APP: variants seen among roughly 807,000 people sequenced by gnomAD.
APP encodes amyloid beta precursor protein, also known as amyloid-beta precursor protein.
A neutral mutation model predicts 101.4 loss-of-function variants in APP; 31 were observed. That is an observed-to-expected ratio of 0.31 (90% CI 0.23 to 0.41). APP has a LOEUF of 0.41. APP is among the 10% of genes least tolerant of loss of function. The pLI is 1.00. For missense variants in APP, 839 were observed against 1,003.7 expected (o/e 0.84, Z 2.22); for synonymous variants, 366 against 364.4 (o/e 1.00, Z -0.05).
intron 5 of APP, among the ~76,000 whole-genome samples, chr21:26,047,218 G>A (rs182223151): frequency 3.3e-5 from 5 of 152,218 alleles, no homozygotes; most frequent in East Asian, 1.9e-4. Context: ...CCCCATTAGC[G>A]ATAGAAAAAC....
intron 5 of APP, among the ~76,000 whole-genome samples, chr21:26,046,812 G>A (rs2045630806): frequency 6.6e-6 from 1 of 152,130 alleles, no homozygotes; most frequent in Admixed American, 6.5e-5. Flanking sequence ...TCCAGGTGAG[G>A]AGCAGCTCTG....
intron 1 of APP, among the ~76,000 whole-genome samples, chr21:26,117,543 A>G (rs559051200): frequency 4.6e-4 from 70 of 152,334 alleles, no homozygotes; most frequent in African/African-American, 1.6e-3. Flanking sequence ...CCAGGTAAGG[A>G]TATGTCCAAG....
chr21:26,146,272 G>A (rs2063152911), intron 1 of APP, among the ~76,000 whole-genome samples: 1 of 152,228 alleles, frequency 6.6e-6, no homozygotes, highest in Non-Finnish European at 1.5e-5. Context: ...GGAGGCAGAG[G>A]TTGCAGTGAG....
At chr21:26,040,621 A>AAAT (rs1555854092) in intron 5 of APP, among the ~76,000 whole-genome samples, 3 of 150,368 alleles carry the variant, frequency 2.0e-5, no homozygotes, top group African/African-American at 4.9e-5. Context: ...AAAAAAAAAA[A>AAAT]AGCTGAGTGT....
chr21:26,011,720 G>A (rs1288350560), intron 6 of APP, among the ~76,000 whole-genome samples: 1 of 151,318 alleles, frequency 6.6e-6, no homozygotes, highest in Non-Finnish European at 1.5e-5. Flanking sequence ...CAGAAATCCT[G>A]GGTAACAAAT....
chr21:26,056,409 T>G, intron 3 of APP, among the ~76,000 whole-genome samples: 1 of 152,182 alleles, frequency 6.6e-6, no homozygotes, highest in Non-Finnish European at 1.5e-5. Context: ...AAAAGTTGCC[T>G]TGGATATTAG....
intron 13 of APP, among the ~76,000 whole-genome samples, chr21:25,949,160 G>GA (rs769173943): frequency 6.6e-6 from 1 of 151,938 alleles, no homozygotes; most frequent in Non-Finnish European, 1.5e-5. Context: ...AAAATTGAAT[G>GA]AAAAAAATAT....
intron 8 of APP, among the ~76,000 whole-genome samples, chr21:25,984,012 G>C (rs1241491073): frequency 6.6e-6 from 1 of 152,148 alleles, no homozygotes; most frequent in Non-Finnish European, 1.5e-5. Context: ...ACATGCCGCA[G>C]GACATGATAG....
chr21:26,158,244 TG>T (rs2146366500), intron 1 of APP: 1 of 152,370 alleles, frequency 6.6e-6, no homozygotes, highest in East Asian at 1.9e-4. Context: ...GCTTCCTGTG[TG>T]GCTGGCTAGC....
Position 25,881,662 on chromosome 21 carries a change from G to A in APP, c.*8C>T, listed in dbSNP as rs1356734177. ...CTGTCCAACTTCAGAGGCTGCTGTG[G>A]CGGGGGTCTAGTTCTGCATCTGCTC... On this transcript the variant is annotated 3_prime_UTR_variant, in exon 18 of 18. Coordinates refer to ENST00000346798, the MANE Select transcript of APP (RefSeq NM_000484.4). 3.1e-6 allele frequency: 5 copies of A among 1,613,040 alleles called. No homozygotes were observed. The African/African-American group carries it at 6.7e-5, about 22-fold the overall frequency.
chr21:26,059,168 A>C (rs2046166624), intron 3 of APP, among the ~76,000 whole-genome samples: 1 of 152,214 alleles, frequency 6.6e-6, no homozygotes, highest in African/African-American at 2.4e-5. Context: ...GAGTAGATTA[A>C]TGTAAAAGAT....
At chr21:26,078,260 T>C (rs2061534484) in intron 3 of APP, among the ~76,000 whole-genome samples, 1 of 152,180 alleles carries the variant, frequency 6.6e-6, no homozygotes, top group African/African-American at 2.4e-5. Context: ...TCTGCTTTTA[T>C]GGGTATTATC....
intron 1 of APP, among the ~76,000 whole-genome samples, chr21:26,155,285 A>C (rs2063352385): frequency 6.6e-6 from 1 of 152,234 alleles, no homozygotes; most frequent in South Asian, 2.1e-4. Context: ...GTAATAATAA[A>C]ATAAAAAATA....
chr21:25,885,707 C>A (rs2037276669), intron 17 of APP, among the ~76,000 whole-genome samples: 1 of 152,114 alleles, frequency 6.6e-6, no homozygotes, highest in Non-Finnish European at 1.5e-5. Flanking sequence ...AGAGCTGAGC[C>A]CAAATAGCCT....
chr21:26,112,286 TTAGATTAAGTGTTA>T, intron 1 of APP, 140 bp from the exon 2 acceptor site: 1 of 834,880 alleles, frequency 1.2e-6, no homozygotes, highest in Non-Finnish European at 2.0e-6. Flanking sequence ...CAACACTCCT[TTAGATTAAGTGTTA>T]TGTATGCTAC....
chr21:25,959,444 A>C (rs1387930335), intron 11 of APP, among the ~76,000 whole-genome samples: 2 of 152,256 alleles, frequency 1.3e-5, no homozygotes, highest in East Asian at 3.9e-4. Context: ...AAAACAAACA[A>C]ACAAAAACAA....
At chr21:26,149,092 G>C (rs561826417) in intron 1 of APP, among the ~76,000 whole-genome samples, 1 of 152,294 alleles carries the variant, frequency 6.6e-6, no homozygotes, top group South Asian at 2.1e-4. Context: ...GAAAGAAGCT[G>C]GCAGCCAGGA....
intron 3 of APP, chr21:26,068,438 T>A (rs1004694595): frequency 2.0e-5 from 3 of 152,006 alleles, no homozygotes; most frequent in Non-Finnish European, 4.4e-5. Flanking sequence ...TGATCATAGC[T>A]CACTGCAGCC....
intron 15 of APP, among the ~76,000 whole-genome samples, chr21:25,902,325 G>A (rs899154897): frequency 4.6e-5 from 7 of 152,132 alleles, no homozygotes; most frequent in African/African-American, 1.4e-4. Context: ...TCAAGTGGGT[G>A]GTCTCTAAAA....
Sources: allele counts gnomAD v4.1 joint callset (sites outside exome capture counted in the v4.1 genomes callset), GRCh38; gene constraint gnomAD v4.1.1; transcripts MANE v1.5; gene names NCBI Gene and HGNC (gene_info 2026-07-23, HGNC 2026-07-21).